ARHGAP20: variants seen among roughly 807,000 people sequenced by gnomAD.
The protein encoded by ARHGAP20 is Rho GTPase activating protein 20.
ARHGAP20 carries 34 observed loss-of-function variants against 73.7 expected under a neutral mutation model. The observed-to-expected ratio is 0.46, with a 90% CI of 0.35 to 0.61. The LOEUF is 0.61. ARHGAP20 is among the 20% of genes least tolerant of loss of function. ARHGAP20 has a pLI of 0.00. For synonymous variants in ARHGAP20, 523 were observed against 518.2 expected (o/e 1.01, Z -0.13); for missense variants, 1,314 against 1,420.9 (o/e 0.92, Z 1.21).
At chr11:110,674,256 T>G (rs1392071052) in intron 2 of ARHGAP20, among the ~76,000 whole-genome samples, 1 of 152,210 alleles carries the variant, frequency 6.6e-6, no homozygotes, top group East Asian at 1.9e-4. Context: ...TCTCTAAGAT[T>G]AAATATCTTT....
chr11:110,651,239 G>C (rs868712668), intron 2 of ARHGAP20, among the ~76,000 whole-genome samples: 1 of 152,216 alleles, frequency 6.6e-6, no homozygotes, highest in South Asian at 2.1e-4. Flanking sequence ...CTAAAGCAGT[G>C]ATAAAAGGGA....
chr11:110,685,334 A>G, intron 2 of ARHGAP20, among the ~76,000 whole-genome samples: 1 of 152,148 alleles, frequency 6.6e-6, no homozygotes, highest in East Asian at 1.9e-4. Context: ...CACAGAAGTG[A>G]ACACTACTGT....
intron 1 of ARHGAP20, among the ~76,000 whole-genome samples, chr11:110,694,637 C>T (rs1177322374): frequency 1.3e-5 from 2 of 151,542 alleles, no homozygotes; most frequent in East Asian, 1.9e-4. Context: ...TCTGTGTGTT[C>T]CTTCATATAT....
chr11:110,684,125 T>C (rs11213532), intron 2 of ARHGAP20, among the ~76,000 whole-genome samples: 2,512 of 152,198 alleles, frequency 0.017, 68 homozygotes, highest in African/African-American at 0.055. Flanking sequence ...TAAAAAGATA[T>C]ATAGTGTGTT....
chr11:110,584,929 GA>G (rs1947590033), intron 12 of ARHGAP20, among the ~76,000 whole-genome samples: 3 of 138,962 alleles, frequency 2.2e-5, no homozygotes, highest in Non-Finnish European at 4.6e-5. Context: ...ATATATATGT[GA>G]ATATATGTGT....
intron 2 of ARHGAP20, among the ~76,000 whole-genome samples, chr11:110,659,028 A>G (rs960384612): frequency 6.6e-6 from 1 of 151,742 alleles, no homozygotes; most frequent in Admixed American, 6.6e-5. Flanking sequence ...ATACGTGTGC[A>G]TGTGTCTTTA....
chr11:110,660,108 T>A (rs867107062), intron 2 of ARHGAP20, among the ~76,000 whole-genome samples: 2 of 149,666 alleles, frequency 1.3e-5, no homozygotes, highest in African/African-American at 4.9e-5. Flanking sequence ...GGTTGTCAAA[T>A]TTTTAAGCCT....
rs563019152 is a variant in ARHGAP20 at position 110,619,425 on chromosome 11, A to G, written c.504-3831T>C. Among the ~76,000 whole-genome samples the G allele has an allele frequency of 7.2e-5, 11 of 152,066 alleles. No homozygotes were observed. The South Asian group carries it at 2.1e-3, about 29-fold the overall frequency. On this transcript the variant is annotated intron_variant, in intron 4 of 14. Coordinates refer to ENST00000683387, the MANE Select transcript of ARHGAP20 (RefSeq NM_001384657.1). ...GCAGTGATAGAGTATATGCAGTGGT[A>G]GAGTATATGCAGTGATAGAGTATAT...
intron 2 of ARHGAP20, among the ~76,000 whole-genome samples, chr11:110,652,854 A>G (rs1200526624): frequency 2.0e-5 from 3 of 152,200 alleles, no homozygotes; most frequent in Non-Finnish European, 2.9e-5. Context: ...ACAGTATGGT[A>G]CTGGCACAAA....
At position 110,630,623 on chromosome 11, in the gene ARHGAP20, C is replaced by T; in HGVS notation, c.353+5G>A. On this transcript the variant is annotated splice_donor_5th_base_variant and intron_variant, in intron 3 of 14. Transcript: ENST00000683387. ...ATGATAATCAGGAGTATATAGTATA[C>T]ATACTTGATTTTGGCCACAACAAAC... The T allele has an allele frequency of 6.2e-7, 1 of 1,612,846 alleles. No homozygotes were observed. Among genetic ancestry groups the T allele is most frequent in the Non-Finnish European group, 8.5e-7 (1 of 1,179,080 alleles).
rs1948202653 is a variant in ARHGAP20 at position 110,605,453 on chromosome 11, T to C, written c.964+1108A>G. On this transcript the variant is annotated intron_variant, in intron 9 of 14. Coordinates refer to ENST00000683387, the MANE Select transcript of ARHGAP20 (RefSeq NM_001384657.1). The stretch of plus-strand genomic sequence containing the variant: ...TTAGTATGAAATATAAATTAGAAAT[T>C]AACTTTAAATGCATTAGAGAAGGTT... Among the ~76,000 whole-genome samples the C allele has an allele frequency of 3.9e-5, 6 of 152,322 alleles. No individual in the cohort carries two copies. The South Asian group carries it at 1.2e-3, about 32-fold the overall frequency.
intron 2 of ARHGAP20, among the ~76,000 whole-genome samples, chr11:110,637,559 C>T (rs990790975): frequency 1.3e-5 from 2 of 152,054 alleles, no homozygotes; most frequent in Non-Finnish European, 2.9e-5. Context: ...ATTGTGCATA[C>T]AATTACCATA....
In ARHGAP20 at chr11:110,580,197, G is replaced by T; in HGVS notation, c.2749C>A (p.Gln917Lys). 2 of 1,614,160 alleles carry T rather than the reference G, an allele frequency of 1.2e-6. No homozygotes were observed. Among genetic ancestry groups the T allele is most frequent in the Non-Finnish European group, 1.7e-6 (2 of 1,180,024 alleles). ...IEVGKSSATN[Q>K]NTEKVLPPRL... ...GGGGGTAAAACCTTCTCAGTGTTTTGGTTTGTGGCACTACTCTTGCCCACC... is the reference window on the plus strand; with the variant it reads ...GGGGGTAAAACCTTCTCAGTGTTTTTGTTTGTGGCACTACTCTTGCCCACC... Residue 917 changes from glutamine to lysine, a missense_variant, in exon 15 of 15, where the codon CAA (glutamine) becomes AAA (lysine). Coordinates refer to ENST00000683387, the MANE Select transcript of ARHGAP20 (RefSeq NM_001384657.1).
intron 1 of ARHGAP20, among the ~76,000 whole-genome samples, chr11:110,693,940 A>T (rs1950289222): frequency 6.6e-6 from 1 of 151,872 alleles, no homozygotes; most frequent in Non-Finnish European, 1.5e-5. Context: ...GTTGTACTTG[A>T]TGTTTATAAC....
chr11:110,685,562 G>A (rs1358078596), intron 2 of ARHGAP20, among the ~76,000 whole-genome samples: 2 of 151,774 alleles, frequency 1.3e-5, no homozygotes, highest in African/African-American at 4.9e-5. Context: ...AAGAACACTG[G>A]AGATAAAACT....
At chr11:110,704,173 G>T (rs1004188510) in intron 1 of ARHGAP20, among the ~76,000 whole-genome samples, 1 of 152,162 alleles carries the variant, frequency 6.6e-6, no homozygotes, top group African/African-American at 2.4e-5. Flanking sequence ...GTGTTACCTG[G>T]TGATGGCTAT....
intron 3 of ARHGAP20, among the ~76,000 whole-genome samples, chr11:110,628,608 C>A (rs755251776): frequency 1.3e-5 from 2 of 152,054 alleles, no homozygotes; most frequent in African/African-American, 4.8e-5. Flanking sequence ...TTAGATCATT[C>A]GCACTTTTAA....
intron 2 of ARHGAP20, among the ~76,000 whole-genome samples, chr11:110,632,654 C>G (rs556532661): frequency 5.3e-5 from 8 of 152,318 alleles, no homozygotes; most frequent in African/African-American, 1.9e-4. Context: ...ATCTGCCTGC[C>G]TTGGCCTCCC....
At chr11:110,582,019 G>C (rs1223048705) in intron 14 of ARHGAP20, among the ~76,000 whole-genome samples, 1 of 151,684 alleles carries the variant, frequency 6.6e-6, no homozygotes, top group Non-Finnish European at 1.5e-5. Context: ...ATATATATTA[G>C]GGTTATTCAT....
Sources: gnomAD v4.1 joint callset for allele counts (sites outside exome capture counted in the v4.1 genomes callset) on GRCh38, gnomAD v4.1.1 for gene constraint, MANE v1.5 for transcripts, NCBI Gene and HGNC (gene_info 2026-07-23, HGNC 2026-07-21) for gene names.